Variants in RHBDD1 observed in about 807,000 individuals in gnomAD.
The protein encoded by RHBDD1 is rhomboid domain containing 1, also known as rhomboid-related protein 4.
RHBDD1 carries 38 observed loss-of-function variants against 36.3 expected under a neutral mutation model. That is an observed-to-expected ratio of 1.05 (90% CI 0.81 to 1.37). The LOEUF is 1.37. RHBDD1 is among the 40% of genes most tolerant of loss of function. The probability of loss-of-function intolerance (pLI) is 0.00; values close to 1 mark genes in which losing one functional copy is unlikely to be tolerated. For missense variants in RHBDD1, 393 were observed against 377.6 expected (o/e 1.04, Z -0.34); for synonymous variants, 151 against 136.5 (o/e 1.11, Z -0.74).
rs538292894 is a variant in RHBDD1 at position 226,988,355 on chromosome 2, A to G, written c.857-7076A>G. 61 of 1,550,212 alleles carry G rather than the reference A, an allele frequency of 3.9e-5. No homozygotes were observed. In the African/African-American group the frequency reaches 6.2e-4, roughly 16 times the overall value. ...AGGAAAACCAGGTCATAAAGAGACA[A>G]TGGCAAGTCTCCTGGACCCCAAGAT... On this transcript the variant is annotated intron_variant, in intron 8 of 8. Transcript: ENST00000392062.
rs189295018 is a variant in RHBDD1 at position 226,946,149 on chromosome 2, T to G, written c.856+31798T>G. Among the ~76,000 whole-genome samples the G allele has an allele frequency of 6.6e-3, 1,001 of 152,312 alleles. 17 individuals are homozygous for G. The highest frequency in any genetic ancestry group is 0.023 in the African/African-American group (945 of 41,564). ...TTTTGCTGTGCAGAAGCTCTTTAGTTTAATTAGATCCCGTTTGTCAATTGT... is the reference window on the plus strand; with the variant it reads ...TTTTGCTGTGCAGAAGCTCTTTAGTGTAATTAGATCCCGTTTGTCAATTGT... On this transcript the variant is annotated intron_variant, in intron 8 of 8. Coordinates refer to ENST00000392062, the MANE Select transcript of RHBDD1 (RefSeq NM_001167608.3).
the RHBDD1 span, among the ~76,000 whole-genome samples, chr2:226,823,436 C>T: frequency 1.6e-4 from 24 of 152,330 alleles, no homozygotes; most frequent in African/African-American, 4.6e-4. Flanking sequence ...GATTAGCTGT[C>T]AGCATTTCCT....
chr2:226,929,795 G>A (rs540476349), intron 8 of RHBDD1, among the ~76,000 whole-genome samples: 1 of 152,098 alleles, frequency 6.6e-6, no homozygotes, highest in South Asian at 2.1e-4. Context: ...ATTCAGTAAA[G>A]TCTTAGGTTA....
intron 8 of RHBDD1, among the ~76,000 whole-genome samples, chr2:226,977,655 A>G (rs1954846652): frequency 6.6e-6 from 1 of 152,210 alleles, no homozygotes; most frequent in South Asian, 2.1e-4. Context: ...GAGGTAAATA[A>G]AAGTAAGGAA....
intron 8 of RHBDD1, among the ~76,000 whole-genome samples, chr2:226,934,111 G>T (rs773770967): frequency 2.0e-5 from 3 of 151,964 alleles, no homozygotes; most frequent in Non-Finnish European, 4.4e-5. Context: ...ATAATGTTTC[G>T]CTCAGCAACA....
the RHBDD1 span, chr2:226,808,642 G>T: frequency 6.6e-6 from 1 of 152,248 alleles, no homozygotes; most frequent in African/African-American, 2.4e-5. Flanking sequence ...TCAAAGGTGA[G>T]TGTCTGAAGA....
chr2:226,816,340 T>C, the RHBDD1 span, among the ~76,000 whole-genome samples: 1 of 133,644 alleles, frequency 7.5e-6, no homozygotes, highest in Non-Finnish European at 1.5e-5. Context: ...ACTGCAAACC[T>C]GGTTGCATTA....
intron 8 of RHBDD1, among the ~76,000 whole-genome samples, chr2:226,974,645 G>A (rs978546190): frequency 6.6e-6 from 1 of 152,098 alleles, no homozygotes; most frequent in Non-Finnish European, 1.5e-5. Context: ...ACATTCTTCT[G>A]GTTTGGTTCT....
chr2:226,970,998 A>G (rs1285315746), intron 8 of RHBDD1, among the ~76,000 whole-genome samples: 3 of 152,374 alleles, frequency 2.0e-5, no homozygotes, highest in Middle Eastern at 6.8e-3. Flanking sequence ...ATCATCATAT[A>G]TGTGAGTTGA....
the RHBDD1 span, among the ~76,000 whole-genome samples, chr2:226,810,751 G>C: frequency 1.3e-5 from 2 of 152,002 alleles, no homozygotes; most frequent in South Asian, 2.1e-4. Flanking sequence ...GTGGATAAAT[G>C]GATCCATGCA....
chr2:226,893,818 C>A (rs1946872194), intron 5 of RHBDD1, among the ~76,000 whole-genome samples: 1 of 152,040 alleles, frequency 6.6e-6, no homozygotes. Context: ...GCTTACAGGA[C>A]AGACCTCCAC....
chr2:226,944,686 G>T (rs979569073), intron 8 of RHBDD1, among the ~76,000 whole-genome samples: 3 of 152,132 alleles, frequency 2.0e-5, no homozygotes, highest in African/African-American at 7.2e-5. Flanking sequence ...CTCCTGAGTG[G>T]CTGTAGTGAT....
chr2:226,935,736 T>A (rs187743472), intron 8 of RHBDD1, among the ~76,000 whole-genome samples: 64 of 152,208 alleles, frequency 4.2e-4, no homozygotes, highest in Non-Finnish European at 2.9e-5. Context: ...ATGGGAGTTT[T>A]GGGAGATGTC....
the RHBDD1 span, among the ~76,000 whole-genome samples, chr2:226,806,856 T>A: frequency 6.6e-6 from 1 of 152,306 alleles, no homozygotes; most frequent in Non-Finnish European, 1.5e-5. Context: ...TATTTCTGAA[T>A]TCAAAAACAG....
intron 5 of RHBDD1, among the ~76,000 whole-genome samples, chr2:226,872,685 C>T (rs1361682917): frequency 2.6e-5 from 4 of 152,120 alleles, no homozygotes; most frequent in African/African-American, 9.7e-5. Flanking sequence ...TAGTTTTCTT[C>T]ATTGATCTAC....
At chr2:226,866,817 G>A (rs527603865) in intron 4 of RHBDD1, among the ~76,000 whole-genome samples, 2 of 152,256 alleles carry the variant, frequency 1.3e-5, no homozygotes, top group Admixed American at 6.5e-5. Context: ...TTTTTCCATA[G>A]AGGTTAGAAA....
At chr2:226,886,849 G>A (rs1447673142) in intron 5 of RHBDD1, among the ~76,000 whole-genome samples, 1 of 152,024 alleles carries the variant, frequency 6.6e-6, no homozygotes, top group Non-Finnish European at 1.5e-5. Flanking sequence ...ATTTTAAAGA[G>A]TAAGTAAGCT....
chr2:226,835,288 C>T (rs1245687576), upstream of RHBDD1, among the ~76,000 whole-genome samples: 1 of 152,228 alleles, frequency 6.6e-6, no homozygotes, highest in South Asian at 2.1e-4. Context: ...TACAGCTAAA[C>T]ATAAAACTTG....
intron 5 of RHBDD1, among the ~76,000 whole-genome samples, chr2:226,895,287 C>T (rs1472652489): frequency 1.3e-5 from 2 of 152,164 alleles, no homozygotes; most frequent in African/African-American, 4.8e-5. Context: ...CCTTTGCAGG[C>T]CATGTGAACC....
Sources: gnomAD v4.1 joint callset for allele counts (sites outside exome capture counted in the v4.1 genomes callset) on GRCh38, gnomAD v4.1.1 for gene constraint, MANE v1.5 for transcripts, NCBI Gene and HGNC (gene_info 2026-07-23, HGNC 2026-07-21) for gene names.